FMR1NB: variants seen among roughly 807,000 people sequenced by gnomAD.
FMR1NB encodes FMR1 neighbor.
In FMR1NB, 10 loss-of-function variants were observed where a neutral mutation model predicts 16.8. That is an observed-to-expected ratio of 0.60 (90% confidence interval 0.37 to 1.01). The LOEUF (loss-of-function observed/expected upper bound fraction) is 1.01, where lower values mean the gene tolerates loss of function less well. FMR1NB is among the 50% of genes least tolerant of loss of function. The pLI is 0.01. For missense variants in FMR1NB, 205 were observed against 204.8 expected (o/e 1.00, Z 0.00); for synonymous variants, 83 against 79.1 (o/e 1.05, Z -0.26).
chrX:148,002,621 T>C (rs1367228388), intron 1 of FMR1NB, among the ~76,000 whole-genome samples: 5 of 112,295 alleles, frequency 4.5e-5, no homozygotes, highest in African/African-American at 1.6e-4. Flanking sequence ...TGAGTTATAA[T>C]AGAGCCATAT....
intron 1 of FMR1NB, among the ~76,000 whole-genome samples, chrX:147,985,776 C>T (rs2044473078): frequency 8.9e-6 from 1 of 112,199 alleles, no homozygotes; most frequent in South Asian, 3.7e-4. Context: ...CTGCAATAAA[C>T]ATACATGTGC....
intron 4 of FMR1NB, among the ~76,000 whole-genome samples, chrX:148,019,672 A>C (rs781796412): frequency 8.9e-6 from 1 of 111,993 alleles, no homozygotes; most frequent in Non-Finnish European, 1.9e-5. Flanking sequence ...TACTTCCTTA[A>C]TGATCTTGGG....
chrX:148,019,978 A>G (rs2044670558), intron 4 of FMR1NB, among the ~76,000 whole-genome samples: 1 of 112,459 alleles, frequency 8.9e-6, no homozygotes, highest in Non-Finnish European at 1.9e-5. Flanking sequence ...CCAGCCTTGT[A>G]TCCTTCCCTT....
intron 1 of FMR1NB, among the ~76,000 whole-genome samples, chrX:147,986,577 A>G (rs2044478003): frequency 8.9e-6 from 1 of 112,063 alleles, no homozygotes; most frequent in South Asian, 3.7e-4. Context: ...TAAATAGGGA[A>G]TCCTTTCCCC....
Position 147,981,815 on chromosome X carries a change from C to T in FMR1NB, c.277+136C>T, listed in dbSNP as rs1368686462. ...TTCCTGTCCTCTCTCCTCCCAAAGGCCTTTATGGCCCTATCCTCAGCAGTC... is the reference window on the plus strand; with the variant it reads ...TTCCTGTCCTCTCTCCTCCCAAAGGTCTTTATGGCCCTATCCTCAGCAGTC... On this transcript the variant is annotated intron_variant, in intron 1 of 5. Coordinates refer to ENST00000370467, the MANE Select transcript of FMR1NB (RefSeq NM_152578.3). 21 of 694,673 alleles carry T rather than the reference C, an allele frequency of 3.0e-5. No homozygotes were observed. The East Asian group carries it at 7.5e-4, about 25-fold the overall frequency. 57.2% of individuals were successfully genotyped at this position (694,673 alleles called of 1,213,427 possible). A position where few individuals can be genotyped will look rare whatever the true frequency, so the allele number is the denominator to read the frequency against.
chrX:148,003,944 A>T (rs17320865), intron 2 of FMR1NB, among the ~76,000 whole-genome samples: 13,662 of 111,716 alleles, frequency 0.12, 981 homozygotes, highest in East Asian at 0.57. Flanking sequence ...ACAAAGATAA[A>T]GCTCTTATGA....
At chrX:148,019,545 T>C (rs73247536) in intron 4 of FMR1NB, among the ~76,000 whole-genome samples, 4,934 of 111,555 alleles carry the variant, frequency 0.044, 197 homozygotes, top group African/African-American at 0.12. Context: ...GTACCTGTCT[T>C]TCTTCGGACA....
At chrX:147,997,784 G>A (rs1300879496) in intron 1 of FMR1NB, among the ~76,000 whole-genome samples, 3 of 111,593 alleles carry the variant, frequency 2.7e-5, no homozygotes, top group African/African-American at 9.8e-5. Flanking sequence ...CCATCAAAAA[G>A]TGGGCAAAGG....
intron 1 of FMR1NB, among the ~76,000 whole-genome samples, chrX:147,997,842 CAT>C (rs1557188306): frequency 9.0e-6 from 1 of 111,363 alleles, no homozygotes; most frequent in African/African-American, 3.3e-5. Flanking sequence ...GGCCAAAAAA[CAT>C]ATGAAAAAAA....
chrX:148,014,406 T>C (rs1290330308), intron 4 of FMR1NB, among the ~76,000 whole-genome samples: 1 of 112,188 alleles, frequency 8.9e-6, no homozygotes, highest in East Asian at 2.8e-4. Flanking sequence ...AATATCTCTA[T>C]TTCATTTCAT....
chrX:148,014,106 A>G (rs1434370201), intron 4 of FMR1NB, among the ~76,000 whole-genome samples: 1 of 111,214 alleles, frequency 9.0e-6, no homozygotes, highest in Non-Finnish European at 1.9e-5. Flanking sequence ...GGTAGCATCT[A>G]AAGAGCGAAG....
At chrX:147,982,620 G>A (rs1405569561) in intron 1 of FMR1NB, among the ~76,000 whole-genome samples, 3 of 97,926 alleles carry the variant, frequency 3.1e-5, no homozygotes, top group Non-Finnish European at 6.1e-5. Context: ...AAGGCCGGGC[G>A]CGGTGGGTCA....
intron 1 of FMR1NB, among the ~76,000 whole-genome samples, chrX:147,998,336 C>T (rs2044552916): frequency 8.9e-6 from 1 of 111,805 alleles, no homozygotes; most frequent in South Asian, 3.8e-4. Context: ...CCATCATTCT[C>T]AGCAAACTAA....
At chrX:147,994,538 A>G (rs1419020765) in intron 1 of FMR1NB, among the ~76,000 whole-genome samples, 1 of 112,531 alleles carries the variant, frequency 8.9e-6, no homozygotes, top group Non-Finnish European at 1.9e-5. Flanking sequence ...CTGTATTTGT[A>G]ATAGTACAAT....
chrX:147,997,987 C>T (rs887700240), intron 1 of FMR1NB, among the ~76,000 whole-genome samples: 23 of 112,427 alleles, frequency 2.0e-4, no homozygotes, highest in Non-Finnish European at 7.5e-5. Flanking sequence ...GAAACAGGAA[C>T]GCTTTTACAC....
intron 1 of FMR1NB, among the ~76,000 whole-genome samples, chrX:147,987,341 C>G (rs2044481915): frequency 8.9e-6 from 1 of 111,784 alleles, no homozygotes; most frequent in South Asian, 3.7e-4. Context: ...ATTGCTTTGG[C>G]CAGAACTTCC....
At chrX:147,989,573 G>A (rs1170820093) in intron 1 of FMR1NB, among the ~76,000 whole-genome samples, 1 of 112,124 alleles carries the variant, frequency 8.9e-6, no homozygotes, top group Non-Finnish European at 1.9e-5. Flanking sequence ...GCTCTCTTCA[G>A]AAGTGGCAGG....
chrX:148,007,636 T>G (rs2124622219), intron 3 of FMR1NB, among the ~76,000 whole-genome samples: 1 of 111,191 alleles, frequency 9.0e-6, no homozygotes, highest in Admixed American at 9.6e-5. Context: ...ATTTTTTTCT[T>G]TACAAAGTTT....
chrX:148,008,739 C>T (rs782642044), intron 4 of FMR1NB, 28 bp downstream of exon 4: 10 of 1,135,187 alleles, frequency 8.8e-6, no homozygotes, highest in East Asian at 3.0e-5. Context: ...TTTATTTGCT[C>T]GTTGCTAAGT....
Sources: allele counts gnomAD v4.1 joint callset (sites outside exome capture counted in the v4.1 genomes callset), GRCh38; gene constraint gnomAD v4.1.1; transcripts MANE v1.5; gene names NCBI Gene and HGNC (gene_info 2026-07-23, HGNC 2026-07-21).